ADGRG6: variants seen among roughly 807,000 people sequenced by gnomAD.
ADGRG6 encodes the protein G-protein coupled receptor 126.
ADGRG6 carries 84 observed loss-of-function variants against 142.4 expected under a neutral mutation model. The ratio of observed to expected loss-of-function variants is 0.59; its 90% confidence interval spans 0.49 to 0.71. The LOEUF is 0.71. ADGRG6 is among the 30% of genes least tolerant of loss of function. ADGRG6 has a pLI of 0.00. For missense variants in ADGRG6, 1,367 were observed against 1,466.6 expected (o/e 0.93, Z 1.11); for synonymous variants, 521 against 520.5 (o/e 1.00, Z -0.01).
chr6:142,312,554 C>T (rs908914064), intron 2 of ADGRG6, among the ~76,000 whole-genome samples: 1 of 151,904 alleles, frequency 6.6e-6, no homozygotes. Context: ...TATCTTGAAA[C>T]CATTTAGAAA....
chr6:142,404,313 T>C, intron 14 of ADGRG6: 2 of 252,342 alleles, frequency 7.9e-6, no homozygotes, highest in Non-Finnish European at 1.5e-5. Flanking sequence ...TGGTGCATTC[T>C]CTTTGCCAGT....
chr6:142,401,849 A>C, intron 11 of ADGRG6, 145 bp from the exon 12 acceptor site: 1 of 538,666 alleles, frequency 1.9e-6, no homozygotes. Flanking sequence ...TTAAAATGGA[A>C]AGAGTGAGAA....
At chr6:142,387,668 CATAG>C (rs1181409749) in intron 6 of ADGRG6, among the ~76,000 whole-genome samples, 1 of 152,054 alleles carries the variant, frequency 6.6e-6, no homozygotes, top group Non-Finnish European at 1.5e-5. Context: ...CTTGAAATAG[CATAG>C]ATAGAGCAGT....
chr6:142,367,197 G>A (rs1474667128), intron 2 of ADGRG6, among the ~76,000 whole-genome samples: 1 of 151,958 alleles, frequency 6.6e-6, no homozygotes, highest in Non-Finnish European at 1.5e-5. Flanking sequence ...TCTTAACCTG[G>A]GTCAGTGAAC....
chr6:142,421,220 A>G (rs1776639472), intron 22 of ADGRG6, among the ~76,000 whole-genome samples: 2 of 152,142 alleles, frequency 1.3e-5, no homozygotes. Flanking sequence ...GTGCTTAATG[A>G]TTGGTAAATT....
chr6:142,414,322 A>C lies in ADGRG6; in HGVS notation c.2542-647A>C, dbSNP rs79729292. Among the ~76,000 whole-genome samples the C allele has an allele frequency of 2.6e-4, 39 of 152,308 alleles. No homozygotes were observed. In the East Asian group the frequency reaches 7.5e-3, roughly 29 times the overall value. On this transcript the variant is annotated intron_variant, in intron 18 of 24. Coordinates refer to ENST00000367609, the MANE Select transcript of ADGRG6 (RefSeq NM_198569.3). The stretch of plus-strand genomic sequence containing the variant: ...TCTTTCCACTCCACAACAGCCCCAA[A>C]TAATTTAAATTGTATCCTTTCAGTA...
chr6:142,419,022 G>A (rs1234141538), intron 21 of ADGRG6, among the ~76,000 whole-genome samples: 3 of 151,994 alleles, frequency 2.0e-5, no homozygotes, highest in Admixed American at 2.0e-4. Flanking sequence ...ATCATTGTAA[G>A]CTACGTAATT....
intron 10 of ADGRG6, among the ~76,000 whole-genome samples, chr6:142,400,126 G>T (rs1775430320): frequency 6.6e-6 from 1 of 152,082 alleles, no homozygotes; most frequent in African/African-American, 2.4e-5. Context: ...ATTACATTTT[G>T]AATTTTTCAG....
At chr6:142,421,791 A>G (rs1319391553) in intron 22 of ADGRG6, among the ~76,000 whole-genome samples, 1 of 152,206 alleles carries the variant, frequency 6.6e-6, no homozygotes, top group East Asian at 1.9e-4. Flanking sequence ...AGTGTTCTTC[A>G]TAAATCACTG....
At position 142,403,889 on chromosome 6, in the gene ADGRG6, C is replaced by T. The variant is rs778265059; in HGVS notation, c.2043C>T (p.Leu681=). ...HVNITTRNLA[L]SVSSLLPGTN... ...ATATTACAACTCGGAACTTGGCTCT[C>T]AGCGTATCATCCCTGTTACCAGGGA... The change falls in exon 14 of 25, where the codon CTC becomes CTT. Residue 681 remains leucine, a synonymous_variant. Coordinates refer to ENST00000367609, the MANE Select transcript of ADGRG6 (RefSeq NM_198569.3). The T allele has an allele frequency of 1.2e-6, 2 of 1,608,632 alleles. No individual in the cohort carries two copies. Among genetic ancestry groups the T allele is most frequent in the South Asian group, 1.1e-5 (1 of 90,842 alleles).
Position 142,302,070 on chromosome 6 carries a change from C to T in ADGRG6, c.-260C>T. On this transcript the variant is annotated 5_prime_UTR_variant, in exon 1 of 25. Coordinates refer to ENST00000367609, the MANE Select transcript of ADGRG6 (RefSeq NM_198569.3). ...CCTCAGCTTCTCGCCCTCACCCTGC[C>T]AACTTCCCTGCGAGGAGGGACCTGC... is the stretch of plus-strand genomic sequence containing the variant. The T allele has an allele frequency of 1.9e-6, 1 of 538,564 alleles. No individual in the cohort carries two copies. The highest frequency in any genetic ancestry group is 2.8e-5 in the South Asian group (1 of 36,084). The allele number at this position is 538,564 out of a possible 1,614,324, so 33.4% of individuals were successfully genotyped here.
chr6:142,351,729 G>A (rs1050692928), intron 2 of ADGRG6, among the ~76,000 whole-genome samples: 10 of 152,252 alleles, frequency 6.6e-5, no homozygotes, highest in African/African-American at 2.4e-4. Flanking sequence ...CTTCTGCACA[G>A]CAAATGAAAC....
intron 2 of ADGRG6, among the ~76,000 whole-genome samples, chr6:142,355,959 C>T (rs1780421163): frequency 6.6e-6 from 1 of 152,164 alleles, no homozygotes; most frequent in Non-Finnish European, 1.5e-5. Context: ...TGGAGGCCCC[C>T]TGGGGCATAG....
intron 2 of ADGRG6, among the ~76,000 whole-genome samples, chr6:142,313,742 A>AT (rs1400807427): frequency 6.6e-6 from 1 of 152,134 alleles, no homozygotes; most frequent in African/African-American, 2.4e-5. Context: ...ATTTAGTAGT[A>AT]TGTGTTAATT....
chr6:142,341,617 G>A (rs536689045), intron 2 of ADGRG6, among the ~76,000 whole-genome samples: 5 of 123,426 alleles, frequency 4.1e-5, no homozygotes, highest in African/African-American at 1.3e-4. Flanking sequence ...TATATAATAT[G>A]TAGTATATAT....
chr6:142,442,650 C>T (rs1777812341), intron 24 of ADGRG6, among the ~76,000 whole-genome samples: 1 of 151,870 alleles, frequency 6.6e-6, no homozygotes, highest in African/African-American at 2.4e-5. Context: ...CTGGTAATAA[C>T]TTTGATTGCT....
chr6:142,352,780 G>A (rs1031802596), intron 2 of ADGRG6, among the ~76,000 whole-genome samples: 2 of 152,002 alleles, frequency 1.3e-5, no homozygotes, highest in African/African-American at 4.8e-5. Flanking sequence ...TTATGTATAT[G>A]CATGTAATAG....
At chr6:142,309,434 G>A (rs1288989553) in intron 1 of ADGRG6, 110 bp from the exon 2 acceptor site, 3 of 632,652 alleles carry the variant, frequency 4.7e-6, no homozygotes, top group Admixed American at 3.4e-5. Flanking sequence ...AAGCAAGGAT[G>A]AAAAAGGTTT....
In ADGRG6 at chr6:142,370,953, T is replaced by A. The variant is rs576012958; in HGVS notation, c.1069+160T>A. The A allele has an allele frequency of 1.6e-3, 1,172 of 743,068 alleles. 3 individuals carry two copies. Among genetic ancestry groups the A allele is most frequent in the Middle Eastern group, 3.0e-3 (9 of 3,028 alleles). The allele number at this position is 743,068 out of a possible 1,614,324, so 46.0% of individuals were successfully genotyped here. A position where few individuals can be genotyped will look rare whatever the true frequency, so the allele number is the denominator to read the frequency against. ...TGTCATTAAAAAGCTCTTTTAATTT[T>A]TAAAATGTCGTCTGCTCAGCTCTTA... On this transcript the variant is annotated intron_variant, in intron 4 of 24. Coordinates refer to ENST00000367609, the MANE Select transcript of ADGRG6 (RefSeq NM_198569.3).
Sources: gnomAD v4.1 joint callset for allele counts (sites outside exome capture counted in the v4.1 genomes callset) on GRCh38, gnomAD v4.1.1 for gene constraint, MANE v1.5 for transcripts, NCBI Gene and HGNC (gene_info 2026-07-23, HGNC 2026-07-21) for gene names.